Variants in UST observed in about 807,000 individuals in gnomAD.
The protein encoded by UST is uronyl 2-sulfotransferase.
Under a neutral mutation model 45.6 loss-of-function variants are expected in UST, and 21 were observed. That is an observed-to-expected ratio of 0.46 (90% CI 0.33 to 0.66). The LOEUF is 0.66. Among genes scored for constraint, UST ranks in the 30% least tolerant of loss-of-function variants. The probability of loss-of-function intolerance (pLI) is 0.02; values close to 1 mark genes in which losing one functional copy is unlikely to be tolerated. For synonymous variants in UST, 215 were observed against 200.6 expected (o/e 1.07, Z -0.61); for missense variants, 463 against 512.4 (o/e 0.90, Z 0.93).
At chr6:148,762,447 G>A (rs945233816) in intron 1 of UST, among the ~76,000 whole-genome samples, 2 of 151,998 alleles carry the variant, frequency 1.3e-5, no homozygotes, top group African/African-American at 4.8e-5. Flanking sequence ...GTCATAGAGT[G>A]TATGTTTAGC....
At chr6:148,896,873 G>A (rs542894058) in intron 2 of UST, among the ~76,000 whole-genome samples, 6 of 152,124 alleles carry the variant, frequency 3.9e-5, no homozygotes, top group Non-Finnish European at 8.8e-5. Context: ...AGTTACCCTA[G>A]GTACTCTAAA....
chr6:148,864,401 T>A (rs1013218891), intron 1 of UST, among the ~76,000 whole-genome samples: 6 of 152,222 alleles, frequency 3.9e-5, no homozygotes, highest in East Asian at 1.9e-4. Context: ...GTGCCATGCG[T>A]CACAGCTTCC....
intron 7 of UST, among the ~76,000 whole-genome samples, chr6:149,029,347 A>G (rs1276916645): frequency 6.8e-6 from 1 of 147,424 alleles, no homozygotes; most frequent in African/African-American, 2.5e-5. Context: ...TACGTTATAT[A>G]TTATATATAA....
chr6:148,948,094 G>A (rs2114932010), intron 3 of UST, among the ~76,000 whole-genome samples: 1 of 152,262 alleles, frequency 6.6e-6, no homozygotes. Flanking sequence ...TTGCAGGCGT[G>A]TGTTGCGCTG....
At chr6:148,880,451 C>A (rs1387300899) in intron 1 of UST, among the ~76,000 whole-genome samples, 1 of 152,194 alleles carries the variant, frequency 6.6e-6, no homozygotes, top group African/African-American at 2.4e-5. Context: ...TGCATCTTTG[C>A]TAAAAATATT....
At chr6:148,799,667 TTC>T (rs914624295) in intron 1 of UST, among the ~76,000 whole-genome samples, 2 of 152,180 alleles carry the variant, frequency 1.3e-5, no homozygotes, top group African/African-American at 4.8e-5. Context: ...CCTTCCCTTT[TTC>T]TCTTTTTTTC....
At chr6:148,857,222 T>C (rs1244370086) in intron 1 of UST, among the ~76,000 whole-genome samples, 1 of 152,112 alleles carries the variant, frequency 6.6e-6, no homozygotes, top group Non-Finnish European at 1.5e-5. Context: ...GTAGGGATGC[T>C]CTAAGGAGAG....
rs923392146 is a variant in UST, at chr6:148,836,979, AT to A, written c.248-50003del. On this transcript the variant is annotated intron_variant, in intron 1 of 7. Coordinates refer to ENST00000367463, the MANE Select transcript of UST (RefSeq NM_005715.3). Reference sequence around the variant, plus strand: ...ATGGAAAACCACAAGAATCAGGATCATTTTCCTCAGCTGATAACTCATGAGG... The same window carrying A: ...ATGGAAAACCACAAGAATCAGGATCATTTCCTCAGCTGATAACTCATGAGG... Among the ~76,000 whole-genome samples, 170 of 152,260 alleles carry A rather than the reference AT, an allele frequency of 1.1e-3. 1 individual carries two copies. The highest frequency in any genetic ancestry group is 3.7e-3 in the African/African-American group (152 of 41,544).
chr6:149,042,464 T>C (rs114817131), intron 7 of UST, among the ~76,000 whole-genome samples: 1,628 of 152,276 alleles, frequency 0.011, 38 homozygotes, highest in African/African-American at 0.038. Context: ...GAAACCCTAT[T>C]TGTGGGTAGC....
chr6:148,773,423 T>C (rs1353621645), intron 1 of UST, among the ~76,000 whole-genome samples: 2 of 151,672 alleles, frequency 1.3e-5, no homozygotes, highest in Non-Finnish European at 2.9e-5. Context: ...ATTGTGCCAC[T>C]GTACTCCAAC....
At chr6:149,042,290 C>A (rs1317171) in intron 7 of UST, among the ~76,000 whole-genome samples, 98,539 of 152,036 alleles carry the variant, frequency 0.65, 33,027 homozygotes, top group African/African-American at 0.81. Flanking sequence ...GAAGTATGTT[C>A]TTTTATTCAT....
At chr6:148,828,712 T>C (rs1020747001) in intron 1 of UST, among the ~76,000 whole-genome samples, 9 of 152,198 alleles carry the variant, frequency 5.9e-5, no homozygotes, top group Non-Finnish European at 1.2e-4. Flanking sequence ...ATGATGATGA[T>C]TGTTTATTAT....
intron 5 of UST, among the ~76,000 whole-genome samples, chr6:148,984,818 A>G (rs946136953): frequency 2.0e-5 from 3 of 152,188 alleles, no homozygotes; most frequent in African/African-American, 7.2e-5. Flanking sequence ...CAAGATTTTC[A>G]TTTAGAAAAT....
At chr6:148,799,691 T>G (rs573262488) in intron 1 of UST, among the ~76,000 whole-genome samples, 17 of 152,312 alleles carry the variant, frequency 1.1e-4, no homozygotes, top group Admixed American at 5.9e-4. Flanking sequence ...TGCCAATTTC[T>G]TATCTCTCTC....
At chr6:148,821,352 T>C (rs1046803099) in intron 1 of UST, among the ~76,000 whole-genome samples, 1 of 152,116 alleles carries the variant, frequency 6.6e-6, no homozygotes, top group African/African-American at 2.4e-5. Flanking sequence ...TGTTTCCTCA[T>C]AGTTAGATGC....
intron 1 of UST, among the ~76,000 whole-genome samples, chr6:148,854,988 A>G (rs1023837789): frequency 1.3e-5 from 2 of 152,164 alleles, no homozygotes; most frequent in African/African-American, 4.8e-5. Flanking sequence ...AGGCCTCACA[A>G]TTATGGTGGA....
chr6:148,863,612 T>C (rs1197446886), intron 1 of UST, among the ~76,000 whole-genome samples: 1 of 152,228 alleles, frequency 6.6e-6, no homozygotes, highest in Non-Finnish European at 1.5e-5. Context: ...TTTTCTGCTC[T>C]GGTTTCTCCC....
intron 7 of UST, among the ~76,000 whole-genome samples, chr6:149,068,846 T>C (rs1334497686): frequency 6.6e-6 from 1 of 152,226 alleles, no homozygotes; most frequent in Non-Finnish European, 1.5e-5. Flanking sequence ...ACATCTTCTA[T>C]ATAACTGTAC....
At chr6:149,063,283 C>G (rs982044393) in intron 7 of UST, among the ~76,000 whole-genome samples, 1 of 152,120 alleles carries the variant, frequency 6.6e-6, no homozygotes, top group Non-Finnish European at 1.5e-5. Context: ...CTCTTCTGAA[C>G]ACTTCATAGC....
Sources: allele counts gnomAD v4.1 joint callset (sites outside exome capture counted in the v4.1 genomes callset), GRCh38; gene constraint gnomAD v4.1.1; transcripts MANE v1.5; gene names NCBI Gene and HGNC (gene_info 2026-07-23, HGNC 2026-07-21).